Variants in ZNF320 observed in about 807,000 individuals in gnomAD.
ZNF320 encodes zinc finger gene 320.
Under a neutral mutation model 6.8 loss-of-function variants are expected in ZNF320, and 2 were observed. The observed-to-expected ratio is 0.29, with a 90% CI of 0.12 to 0.93. The LOEUF (loss-of-function observed/expected upper bound fraction) is 0.93, where lower values mean the gene tolerates loss of function less well. Ranked by LOEUF, ZNF320 falls within the 40% of genes least tolerant of loss-of-function variation. The pLI is 0.55. For missense variants in ZNF320, 472 were observed against 611.0 expected (o/e 0.77, Z 2.40); for synonymous variants, 208 against 203.2 (o/e 1.02, Z -0.20).
chr19:52,866,700 A>G (rs894496025), intron 5 of ZNF320, among the ~76,000 whole-genome samples: 1 of 151,966 alleles, frequency 6.6e-6, no homozygotes, highest in African/African-American at 2.4e-5. Flanking sequence ...GAGAAACGCC[A>G]TCTCTACTAA....
chr19:52,894,465 C>T (rs2064410804), intron 1 of ZNF320, among the ~76,000 whole-genome samples: 1 of 152,054 alleles, frequency 6.6e-6, no homozygotes, highest in Non-Finnish European at 1.5e-5. Flanking sequence ...ATGTCTCTCT[C>T]CATGTCTAAG....
intron 5 of ZNF320, among the ~76,000 whole-genome samples, chr19:52,884,599 T>C (rs979325993): frequency 6.6e-6 from 1 of 152,174 alleles, no homozygotes; most frequent in African/African-American, 2.4e-5. Flanking sequence ...ATTTTAGGTG[T>C]GAGCCACTGC....
chr19:52,863,510 T>C (rs1330629669), exon 6 of ZNF320, among the ~76,000 whole-genome samples: 2 of 150,316 alleles, frequency 1.3e-5, no homozygotes, highest in African/African-American at 4.9e-5. Context: ...GGCAGGAGAA[T>C]TGCTTGAACT....
rs556540118 is a variant in ZNF320, at chr19:52,878,281, G to C, written c.*2315C>G. 3 of 124,278 alleles carry C rather than the reference G, an allele frequency of 2.4e-5. No individual in the cohort carries two copies. The allele number at this position is 124,278 out of a possible 1,614,324, so 7.7% of individuals were successfully genotyped here. A position where few individuals can be genotyped will look rare whatever the true frequency, so the allele number is the denominator to read the frequency against. ...TTTTTTTTTTTTGAGATGGAGTCTCGCTCTGTCACCCAGGCTGGAGTGCAG... is the reference window on the plus strand; with the variant it reads ...TTTTTTTTTTTTGAGATGGAGTCTCCCTCTGTCACCCAGGCTGGAGTGCAG... On this transcript the variant is annotated 3_prime_UTR_variant, in exon 6 of 6. Coordinates refer to ENST00000682928, the MANE Select transcript of ZNF320 (RefSeq NM_001351774.2).
intron 5 of ZNF320, among the ~76,000 whole-genome samples, chr19:52,868,876 G>T (rs1398294122): frequency 2.0e-5 from 3 of 152,088 alleles, no homozygotes; most frequent in East Asian, 3.9e-4. Flanking sequence ...GATTTAGGCA[G>T]CCTCCAATAA....
At chr19:52,883,331 A>AT (rs1288286683) in intron 5 of ZNF320, among the ~76,000 whole-genome samples, 2 of 152,176 alleles carry the variant, frequency 1.3e-5, no homozygotes, top group Non-Finnish European at 2.9e-5. Flanking sequence ...AAGTCCTGGG[A>AT]TTACAGGCAT....
chr19:52,885,803 G>A (rs1390845591), intron 5 of ZNF320, among the ~76,000 whole-genome samples: 1 of 152,158 alleles, frequency 6.6e-6, no homozygotes, highest in Non-Finnish European at 1.5e-5. Flanking sequence ...CTACTCGACA[G>A]GCTGAGGCAG....
intron 3 of ZNF320, among the ~76,000 whole-genome samples, chr19:52,890,635 G>A (rs960495134): frequency 3.3e-5 from 5 of 152,190 alleles, no homozygotes; most frequent in Admixed American, 1.3e-4. Context: ...ACTCTAGGAG[G>A]CCGAGGTGGG....
chr19:52,904,196 G>C, the ZNF320 span, among the ~76,000 whole-genome samples: 8 of 152,240 alleles, frequency 5.3e-5, no homozygotes, highest in African/African-American at 1.9e-4. Context: ...GCTATGCACC[G>C]CTCTGGCGAG....
intron 2 of ZNF320, among the ~76,000 whole-genome samples, chr19:52,891,797 G>C (rs1264213560): frequency 6.6e-6 from 1 of 152,168 alleles, no homozygotes; most frequent in Non-Finnish European, 1.5e-5. Flanking sequence ...TATCCTCAGA[G>C]TGGGGACATA....
exon 6 of ZNF320, among the ~76,000 whole-genome samples, chr19:52,861,557 A>G (rs1002734106): frequency 6.6e-6 from 1 of 152,132 alleles, no homozygotes; most frequent in African/African-American, 2.4e-5. Context: ...TCCTGACCTC[A>G]AGGGATCTAA....
In ZNF320 at chr19:52,868,637, T is replaced by C. The variant is rs181607167; in HGVS notation, c.224-4478A>G. ...ACAGTAAGTGAGGGACAAACTTGATTCTTGGCCTGAAGGATCCCACGACAT... is the reference window on the plus strand; with the variant it reads ...ACAGTAAGTGAGGGACAAACTTGATCCTTGGCCTGAAGGATCCCACGACAT... On this transcript the variant is annotated intron_variant, in intron 5 of 5. Transcript: ENST00000673631. Among the ~76,000 whole-genome samples, 1,255 of 152,062 alleles carry C rather than the reference T, an allele frequency of 8.3e-3. 16 individuals are homozygous for C. Among genetic ancestry groups the C allele is most frequent in the African/African-American group, 0.028 (1,153 of 41,468 alleles).
chr19:52,865,475 T>TATATATATATATGTATAC (rs2063531530), intron 5 of ZNF320: 1 of 40,334 alleles, frequency 2.5e-5, no homozygotes, highest in African/African-American at 1.1e-4. Flanking sequence ...ATATATTACA[T>TATATATATATATGTATAC]ATATATATAA....
intron 5 of ZNF320, among the ~76,000 whole-genome samples, chr19:52,886,542 G>A (rs776096119): frequency 2.2e-4 from 34 of 152,292 alleles, no homozygotes; most frequent in Admixed American, 7.2e-4. Context: ...TCACTTCTGC[G>A]TACTGAACGG....
chr19:52,884,943 A>G (rs1432181506), intron 5 of ZNF320, among the ~76,000 whole-genome samples: 1 of 152,126 alleles, frequency 6.6e-6, no homozygotes, highest in African/African-American at 2.4e-5. Context: ...GGGCATGGTA[A>G]TCCCAGCATT....
chr19:52,862,922 T>C (rs67904958), exon 6 of ZNF320: 119,007 of 236,680 alleles, frequency 0.5, 30,190 homozygotes, highest in African/African-American at 0.59. Context: ...TAGTCTCAGC[T>C]GTTCTGGACC....
At chr19:52,865,193 G>A (rs1451094426) in intron 5 of ZNF320, among the ~76,000 whole-genome samples, 1 of 151,488 alleles carries the variant, frequency 6.6e-6, no homozygotes, top group African/African-American at 2.4e-5. Flanking sequence ...GTGGTCGTGG[G>A]CACCTGTAAT....
chr19:52,868,105 C>G (rs1285811308), intron 5 of ZNF320, among the ~76,000 whole-genome samples: 1 of 152,194 alleles, frequency 6.6e-6, no homozygotes, highest in Non-Finnish European at 1.5e-5. Flanking sequence ...AGCATGTCAT[C>G]ATCAACATTG....
chr19:52,892,602 T>A (rs1186127654), intron 2 of ZNF320, among the ~76,000 whole-genome samples: 1 of 152,040 alleles, frequency 6.6e-6, no homozygotes, highest in Non-Finnish European at 1.5e-5. Context: ...AATACAAAAA[T>A]TAGCCAGGCT....
Sources: allele counts gnomAD v4.1 joint callset (sites outside exome capture counted in the v4.1 genomes callset), GRCh38; gene constraint gnomAD v4.1.1; transcripts MANE v1.5; gene names NCBI Gene and HGNC (gene_info 2026-07-23, HGNC 2026-07-21).